The following ATP8A1 variants were observed in gnomAD, a reference collection of about 807,000 sequenced individuals.
ATP8A1 encodes phospholipid-transporting ATPase IA.
Under a neutral mutation model 177.7 loss-of-function variants are expected in ATP8A1, and 90 were observed. The ratio of observed to expected loss-of-function variants is 0.51; its 90% confidence interval spans 0.43 to 0.60. The LOEUF (loss-of-function observed/expected upper bound fraction) is 0.60, where lower values mean the gene tolerates loss of function less well. Among genes scored for constraint, ATP8A1 ranks in the 20% least tolerant of loss-of-function variants. The probability of loss-of-function intolerance (pLI) is 0.00; values close to 1 mark genes in which losing one functional copy is unlikely to be tolerated. For synonymous variants in ATP8A1, 493 were observed against 485.9 expected, an observed-to-expected ratio of 1.01 and a Z score of -0.19; for missense variants, 1,072 against 1,392.8, an observed-to-expected ratio of 0.77 and a Z score of 3.67.
At chr4:42,469,282 C>T (rs183439232) in intron 25 of ATP8A1, among the ~76,000 whole-genome samples, 183 of 152,218 alleles carry the variant, frequency 1.2e-3, no homozygotes, top group African/African-American at 4.0e-3. Flanking sequence ...CAGGAATAAA[C>T]ATACTAGGGA....
intron 1 of ATP8A1, among the ~76,000 whole-genome samples, chr4:42,647,963 C>T (rs1431480308): frequency 3.3e-5 from 5 of 152,134 alleles, no homozygotes; most frequent in Non-Finnish European, 1.5e-5. Flanking sequence ...TTTAAAAATA[C>T]TTTGCTTTAA....
chr4:42,558,214 A>T (rs559682465), intron 15 of ATP8A1, among the ~76,000 whole-genome samples: 9 of 152,364 alleles, frequency 5.9e-5, no homozygotes, highest in Non-Finnish European at 1.3e-4. Context: ...TTGCAAGCTC[A>T]TATCAGTTAA....
intron 5 of ATP8A1, among the ~76,000 whole-genome samples, chr4:42,603,772 T>C (rs953222341): frequency 9.2e-5 from 14 of 152,228 alleles, no homozygotes; most frequent in African/African-American, 3.4e-4. Context: ...ATGTCTGTAT[T>C]AGCCTCAGGC....
At chr4:42,555,127 ATCTATCTATCTAATCTATCTATCTATCT>A (rs1560454378) in intron 16 of ATP8A1, among the ~76,000 whole-genome samples, 6 of 92,486 alleles carry the variant, frequency 6.5e-5, no homozygotes, top group East Asian at 2.9e-4. Flanking sequence ...CTATCTATCT[ATCTATCTATCTAATCTATCTATCTATCT>A]ATCTATCTAT....
intron 15 of ATP8A1, 53 bp downstream of exon 15, chr4:42,569,108 A>C: frequency 7.8e-7 from 1 of 1,284,688 alleles, no homozygotes; most frequent in Non-Finnish European, 1.0e-6. Flanking sequence ...CAAAACAATA[A>C]AATGCAAACC....
chr4:42,569,309 A>G (rs1333201250), intron 14 of ATP8A1, 104 bp from the exon 15 acceptor site: 2 of 747,022 alleles, frequency 2.7e-6, no homozygotes, highest in Non-Finnish European at 2.1e-6. Context: ...TGGATCACTG[A>G]AAAGTTAACA....
chr4:42,456,248 G>A (rs1037164619), intron 27 of ATP8A1, among the ~76,000 whole-genome samples: 2 of 152,196 alleles, frequency 1.3e-5, no homozygotes, highest in East Asian at 1.9e-4. Flanking sequence ...CATTTAGCTG[G>A]CTTCCAGTTG....
chr4:42,591,506 A>G (rs1037579245), intron 6 of ATP8A1, among the ~76,000 whole-genome samples: 1 of 152,208 alleles, frequency 6.6e-6, no homozygotes, highest in Non-Finnish European at 1.5e-5. Context: ...GTCAGAAGGC[A>G]TAACTGTAGC....
chr4:42,426,334 C>T (rs1011289897), intron 33 of ATP8A1, among the ~76,000 whole-genome samples: 1 of 152,174 alleles, frequency 6.6e-6, no homozygotes, highest in Non-Finnish European at 1.5e-5. Flanking sequence ...CTTCAGTCTA[C>T]CTCTATGTGT....
In ATP8A1 at chr4:42,574,859, A is replaced by G. The variant is rs1278071531; in HGVS notation, c.1207-152T>C. ...TGCCCATTTATCAAGGAATATATTC[A>G]GCTTTTTAAAAAGTATTTTACAAAT... On this transcript the variant is annotated intron_variant, in intron 13 of 36. Transcript: ENST00000381668. The G allele has an allele frequency of 6.8e-6, 4 of 589,644 alleles. No individual in the cohort carries two copies. In the Admixed American group the frequency reaches 1.4e-4, roughly 21 times the overall value. 36.5% of individuals were successfully genotyped at this position (589,644 alleles called of 1,614,324 possible). A position where few individuals can be genotyped will look rare whatever the true frequency, so the allele number is the denominator to read the frequency against.
intron 1 of ATP8A1, among the ~76,000 whole-genome samples, chr4:42,653,896 T>C (rs1281012800): frequency 2.6e-5 from 4 of 152,326 alleles, no homozygotes; most frequent in Admixed American, 1.3e-4. Context: ...AAATAAGCCA[T>C]GTTCACTTTC....
chr4:42,452,528 T>C (rs1238841580), intron 29 of ATP8A1, among the ~76,000 whole-genome samples: 1 of 152,212 alleles, frequency 6.6e-6, no homozygotes, highest in Non-Finnish European at 1.5e-5. Flanking sequence ...CTCTATACTA[T>C]TCTCTGCAGG....
At chr4:42,593,210 A>G (rs1392075404) in intron 6 of ATP8A1, among the ~76,000 whole-genome samples, 1 of 152,082 alleles carries the variant, frequency 6.6e-6, no homozygotes, top group African/African-American at 2.4e-5. Context: ...AACCTGAGAC[A>G]ATGACAATAA....
rs147201058 is a variant in ATP8A1 at position 42,599,548 on chromosome 4, T to C, written c.450+930A>G. Among the ~76,000 whole-genome samples, 112 of 152,310 alleles carry C rather than the reference T, an allele frequency of 7.4e-4. 1 individual carries two copies. The East Asian group carries it at 0.019, about 25-fold the overall frequency. On this transcript the variant is annotated intron_variant, in intron 6 of 36. Coordinates refer to ENST00000381668, the MANE Select transcript of ATP8A1 (RefSeq NM_006095.2). ...TGTCAGTCTCTATTCTAGCCACTGA[T>C]TGAAAATCAACAGAAATTTAATTAA...
In ATP8A1 at chr4:42,573,382, T is replaced by A. The variant is rs373561091; in HGVS notation, c.1295+1237A>T. ...GGGTAGAATATATAAGTACAAGATG[T>A]CAAAAAGTGTGGCTGCAACTCTCCT... On this transcript the variant is annotated intron_variant, in intron 14 of 36. Coordinates refer to ENST00000381668, the MANE Select transcript of ATP8A1 (RefSeq NM_006095.2). Among the ~76,000 whole-genome samples, 161 of 152,276 alleles carry A rather than the reference T, an allele frequency of 1.1e-3. 2 individuals carry two copies. In the South Asian group the frequency reaches 0.011, roughly 10 times the overall value.
intron 16 of ATP8A1, among the ~76,000 whole-genome samples, chr4:42,553,272 G>T (rs1410994770): frequency 1.3e-5 from 2 of 152,188 alleles, no homozygotes; most frequent in Non-Finnish European, 2.9e-5. Context: ...TTACCTAGTT[G>T]TAATTCCTGA....
At position 42,447,332 on chromosome 4, in the gene ATP8A1, G is replaced by A. The variant is rs141244651; in HGVS notation, c.2897-688C>T. Among the ~76,000 whole-genome samples, 18 of 152,014 alleles carry A rather than the reference G, an allele frequency of 1.2e-4. No homozygotes were observed. In the East Asian group the frequency reaches 2.5e-3, roughly 21 times the overall value. ...GGAGTAGCTGGGATTATAGGTGTGC[G>A]CCCCCATGCCCAGCTAATTTTGTTA... On this transcript the variant is annotated intron_variant, in intron 30 of 36. Coordinates refer to ENST00000381668, the MANE Select transcript of ATP8A1 (RefSeq NM_006095.2).
intron 20 of ATP8A1, among the ~76,000 whole-genome samples, chr4:42,528,045 G>A (rs1206901490): frequency 6.6e-6 from 1 of 152,156 alleles, no homozygotes; most frequent in Admixed American, 6.5e-5. Context: ...GATGATTCCA[G>A]GGGACCCAAA....
chr4:42,441,554 A>G (rs1435078150), intron 33 of ATP8A1, among the ~76,000 whole-genome samples: 1 of 152,200 alleles, frequency 6.6e-6, no homozygotes, highest in African/African-American at 2.4e-5. Flanking sequence ...CTAATGCCCA[A>G]GAAACAGTAA....
Sources: allele counts gnomAD v4.1 joint callset (sites outside exome capture counted in the v4.1 genomes callset), GRCh38; gene constraint gnomAD v4.1.1; transcripts MANE v1.5; gene names NCBI Gene and HGNC (gene_info 2026-07-23, HGNC 2026-07-21).